Variants in LRRC4C observed in about 807,000 individuals in gnomAD.
LRRC4C encodes leucine rich repeat containing 4C, also known as leucine-rich repeat-containing protein 4C.
In LRRC4C, 5 loss-of-function variants were observed where a neutral mutation model predicts 33.6. The ratio of observed to expected loss-of-function variants is 0.15; its 90% CI spans 0.08 to 0.31. The LOEUF (loss-of-function observed/expected upper bound fraction) is 0.31, where lower values mean the gene tolerates loss of function less well. Among genes scored for constraint, LRRC4C ranks in the 10% least tolerant of loss-of-function variants. LRRC4C has a pLI of 1.00. For missense variants in LRRC4C, 560 were observed against 796.7 expected (o/e 0.70, Z 3.58); for synonymous variants, 329 against 302.0 (o/e 1.09, Z -0.93).
intron 3 of LRRC4C, among the ~76,000 whole-genome samples, chr11:40,612,414 A>G (rs943693624): frequency 2.0e-5 from 3 of 152,004 alleles, no homozygotes; most frequent in Admixed American, 2.0e-4. Flanking sequence ...GTATTGTTCA[A>G]TGGGTACAGA....
intron 3 of LRRC4C, among the ~76,000 whole-genome samples, chr11:40,492,240 C>T (rs562585052): frequency 1.3e-5 from 2 of 152,146 alleles, no homozygotes; most frequent in African/African-American, 2.4e-5. Context: ...CACTCGACTA[C>T]GTTGTCAAAT....
chr11:40,214,412 G>A (rs774911407), intron 5 of LRRC4C, among the ~76,000 whole-genome samples: 10 of 152,112 alleles, frequency 6.6e-5, no homozygotes, highest in Non-Finnish European at 1.2e-4. Flanking sequence ...AACTGGATTT[G>A]TGAGCCCTTT....
intron 1 of LRRC4C, among the ~76,000 whole-genome samples, chr11:40,952,849 AACAC>A (rs56684958): frequency 0.025 from 2,842 of 112,600 alleles, 94 homozygotes; most frequent in East Asian, 0.18. Flanking sequence ...TCTATTTCCA[AACAC>A]ACACACACAC....
chr11:40,439,682 G>C (rs1212767977), intron 3 of LRRC4C, among the ~76,000 whole-genome samples: 2 of 152,044 alleles, frequency 1.3e-5, no homozygotes, highest in Admixed American at 6.5e-5. Flanking sequence ...TTGAACTCCT[G>C]ACATCATGAT....
At chr11:41,072,178 A>C (rs796622097) in intron 1 of LRRC4C, among the ~76,000 whole-genome samples, 1 of 151,976 alleles carries the variant, frequency 6.6e-6, no homozygotes, top group South Asian at 2.1e-4. Flanking sequence ...AGTTGGGAGG[A>C]TTTACTGCAA....
intron 1 of LRRC4C, among the ~76,000 whole-genome samples, chr11:40,948,644 T>A (rs968080328): frequency 1.7e-4 from 25 of 149,742 alleles, no homozygotes; most frequent in African/African-American, 4.9e-4. Context: ...TGCGATAGTT[T>A]ACTGAGAATG....
intron 2 of LRRC4C, among the ~76,000 whole-genome samples, chr11:40,873,414 A>C (rs1327048005): frequency 3.3e-5 from 5 of 152,124 alleles, no homozygotes; most frequent in Non-Finnish European, 5.9e-5. Context: ...TGCCGTCAGA[A>C]ATGTAAAGAT....
At chr11:40,289,732 A>C (rs765369773) in intron 4 of LRRC4C, among the ~76,000 whole-genome samples, 6 of 152,256 alleles carry the variant, frequency 3.9e-5, no homozygotes, top group Non-Finnish European at 7.3e-5. Context: ...GTTAACCCCC[A>C]GGTGGGCCAT....
intron 1 of LRRC4C, among the ~76,000 whole-genome samples, chr11:41,089,692 T>A (rs1163627541): frequency 6.6e-6 from 1 of 152,104 alleles, no homozygotes; most frequent in Non-Finnish European, 1.5e-5. Context: ...CCCAGATGTA[T>A]ATCTGACATA....
intron 2 of LRRC4C, among the ~76,000 whole-genome samples, chr11:40,688,863 T>A (rs777243016): frequency 9.2e-5 from 14 of 152,010 alleles, no homozygotes; most frequent in Non-Finnish European, 1.6e-4. Flanking sequence ...GCAAACCAGC[T>A]GGTGGAAGAA....
chr11:40,964,396 T>A (rs1262657657), intron 1 of LRRC4C, among the ~76,000 whole-genome samples: 1 of 151,718 alleles, frequency 6.6e-6, no homozygotes, highest in Non-Finnish European at 1.5e-5. Context: ...ATACGTTAAG[T>A]TTTAGGCTAC....
chr11:40,576,609 A>C (rs2135597244), intron 3 of LRRC4C, among the ~76,000 whole-genome samples: 1 of 152,298 alleles, frequency 6.6e-6, no homozygotes, highest in South Asian at 2.1e-4. Context: ...AAGGAGTTTT[A>C]AAGTACATCT....
Position 41,016,160 on chromosome 11 carries a change from GA to G in LRRC4C, c.-495-82438del, listed in dbSNP as rs34322329. Among the ~76,000 whole-genome samples the G allele has an allele frequency of 1.1e-3, 161 of 150,056 alleles. 1 individual carries two copies. Among genetic ancestry groups the G allele is most frequent in the African/African-American group, 3.3e-3 (133 of 40,758 alleles). Reference sequence around the variant, plus strand: ...ATCAACACACATTTGTCTTAGTATAGAAAAAAAAAATGATTAGCCCATAGCA... The same window carrying G: ...ATCAACACACATTTGTCTTAGTATAGAAAAAAAAATGATTAGCCCATAGCA... On this transcript the variant is annotated intron_variant, in intron 1 of 6. Coordinates refer to ENST00000528697, the MANE Select transcript of LRRC4C (RefSeq NM_001258419.2).
intron 1 of LRRC4C, among the ~76,000 whole-genome samples, chr11:41,375,528 C>T (rs1952905647): frequency 1.3e-5 from 2 of 152,074 alleles, no homozygotes. Context: ...CTCATTCTGG[C>T]CAATGTTCAG....
chr11:40,937,994 C>T (rs985300638), intron 1 of LRRC4C, among the ~76,000 whole-genome samples: 1 of 152,018 alleles, frequency 6.6e-6, no homozygotes, highest in African/African-American at 2.4e-5. Context: ...ACTGATTCAT[C>T]GTAATGTTGG....
chr11:40,265,273 T>C (rs1942163242), intron 4 of LRRC4C, among the ~76,000 whole-genome samples: 1 of 152,228 alleles, frequency 6.6e-6, no homozygotes, highest in Admixed American at 6.6e-5. Context: ...CATTACTTTG[T>C]CCTTTTGCTT....
intron 1 of LRRC4C, among the ~76,000 whole-genome samples, chr11:41,238,145 T>G (rs182929639): frequency 6.6e-6 from 1 of 152,294 alleles, no homozygotes; most frequent in East Asian, 1.9e-4. Context: ...AAGCAGTGTA[T>G]TAAATGTATT....
At chr11:40,598,617 T>C (rs1481407351) in intron 3 of LRRC4C, among the ~76,000 whole-genome samples, 1 of 152,158 alleles carries the variant, frequency 6.6e-6, no homozygotes, top group South Asian at 2.1e-4. Context: ...AAATCCTCCA[T>C]CTCTTTCAAC....
intron 4 of LRRC4C, among the ~76,000 whole-genome samples, chr11:40,310,073 C>T (rs1487104971): frequency 6.6e-6 from 1 of 152,074 alleles, no homozygotes; most frequent in African/African-American, 2.4e-5. Flanking sequence ...CATTTAAGTC[C>T]GTGAAGTATC....
Sources: gnomAD v4.1 joint callset for allele counts (sites outside exome capture counted in the v4.1 genomes callset) on GRCh38, gnomAD v4.1.1 for gene constraint, MANE v1.5 for transcripts, NCBI Gene and HGNC (gene_info 2026-07-23, HGNC 2026-07-21) for gene names.